Variants in SLC24A2 observed in about 807,000 individuals in gnomAD.
SLC24A2 encodes solute carrier family 24 member 2.
A neutral mutation model predicts 62.0 loss-of-function variants in SLC24A2; 36 were observed. That is an observed-to-expected ratio of 0.58 (90% CI 0.44 to 0.77). The LOEUF (loss-of-function observed/expected upper bound fraction) is 0.77. Ranked by LOEUF, SLC24A2 falls within the 30% of genes least tolerant of loss-of-function variation. The probability of loss-of-function intolerance (pLI) is 0.00; values close to 1 mark genes in which losing one functional copy is unlikely to be tolerated. For synonymous variants in SLC24A2, 358 were observed against 294.0 expected (o/e 1.22, Z -2.23); for missense variants, 846 against 817.9 (o/e 1.03, Z -0.42).
intron 2 of SLC24A2, among the ~76,000 whole-genome samples, chr9:19,689,260 C>T (rs1401093934): frequency 4.6e-5 from 7 of 152,084 alleles, no homozygotes; most frequent in African/African-American, 1.7e-4. Flanking sequence ...TACACCAGGA[C>T]TCCCGAAGAA....
the SLC24A2 span, among the ~76,000 whole-genome samples, chr9:20,052,434 C>G: frequency 6.6e-6 from 1 of 152,214 alleles, no homozygotes; most frequent in Admixed American, 6.5e-5. Context: ...AAATAAGGAA[C>G]AATTGCACCA....
chr9:19,531,169 G>A (rs1460793992), intron 8 of SLC24A2, among the ~76,000 whole-genome samples: 2 of 152,130 alleles, frequency 1.3e-5, no homozygotes, highest in Non-Finnish European at 2.9e-5. Flanking sequence ...TCAGCAGTTG[G>A]GCTAAGTGTT....
chr9:20,175,653 T>A, the SLC24A2 span, among the ~76,000 whole-genome samples: 3 of 152,094 alleles, frequency 2.0e-5, no homozygotes, highest in African/African-American at 7.2e-5. Flanking sequence ...TGTCACACAC[T>A]TTCTTTAAAG....
chr9:19,544,137 G>A (rs1834424696), intron 8 of SLC24A2, among the ~76,000 whole-genome samples: 1 of 152,058 alleles, frequency 6.6e-6, no homozygotes, highest in African/African-American at 2.4e-5. Flanking sequence ...TATATATTTA[G>A]GATAGTTGGC....
chr9:19,953,443 TC>T, the SLC24A2 span, among the ~76,000 whole-genome samples: 38 of 152,174 alleles, frequency 2.5e-4, 1 homozygote, highest in South Asian at 6.6e-3. Flanking sequence ...TATCTAGTAC[TC>T]TGCCTCTCAA....
chr9:20,199,094 C>T, the SLC24A2 span, among the ~76,000 whole-genome samples: 1 of 152,146 alleles, frequency 6.6e-6, no homozygotes, highest in Non-Finnish European at 1.5e-5. Context: ...TGTTTCTAAC[C>T]AGCCTATTGC....
intron 2 of SLC24A2, among the ~76,000 whole-genome samples, chr9:19,748,775 T>C (rs1306361230): frequency 6.6e-6 from 1 of 151,952 alleles, no homozygotes; most frequent in Admixed American, 6.6e-5. Flanking sequence ...CCAGAAGTGA[T>C]AAAGCATTCC....
the SLC24A2 span, among the ~76,000 whole-genome samples, chr9:19,880,742 G>C: frequency 1.3e-5 from 2 of 152,184 alleles, no homozygotes; most frequent in Admixed American, 6.5e-5. Flanking sequence ...TACTGAAGGA[G>C]GCTATAGGAG....
At chr9:20,282,155 A>G in the SLC24A2 span, among the ~76,000 whole-genome samples, 20 of 152,308 alleles carry the variant, frequency 1.3e-4, no homozygotes, top group African/African-American at 4.8e-4. Context: ...ACAAAAGGGA[A>G]AACAAATAAG....
the SLC24A2 span, among the ~76,000 whole-genome samples, chr9:19,835,261 A>G: frequency 9.2e-5 from 14 of 152,226 alleles, no homozygotes; most frequent in Non-Finnish European, 1.5e-4. Flanking sequence ...AAATGCTCCA[A>G]TTAAAAGGAA....
chr9:19,715,063 C>A (rs1260737050), intron 2 of SLC24A2, among the ~76,000 whole-genome samples: 4 of 151,998 alleles, frequency 2.6e-5, no homozygotes, highest in Non-Finnish European at 5.9e-5. Context: ...ACCACCACCA[C>A]CACCAAACAC....
At chr9:19,784,431 A>C (rs1745696008) in intron 2 of SLC24A2, among the ~76,000 whole-genome samples, 1 of 152,248 alleles carries the variant, frequency 6.6e-6, no homozygotes, top group Admixed American at 6.5e-5. Flanking sequence ...GAAAGTACTG[A>C]GTTCTCAAAG....
the SLC24A2 span, among the ~76,000 whole-genome samples, chr9:20,295,503 G>A: frequency 6.6e-6 from 1 of 152,206 alleles, no homozygotes; most frequent in African/African-American, 2.4e-5. Context: ...GTGTCTGTGA[G>A]GGTGTTTCCA....
At chr9:19,634,607 G>T (rs1252302642) in intron 2 of SLC24A2, among the ~76,000 whole-genome samples, 1 of 152,086 alleles carries the variant, frequency 6.6e-6, no homozygotes, top group African/African-American at 2.4e-5. Context: ...GCCTCTTAAT[G>T]ACTTTACTTG....
chr9:19,753,285 G>A (rs1409097185), intron 2 of SLC24A2, among the ~76,000 whole-genome samples: 1 of 152,210 alleles, frequency 6.6e-6, no homozygotes, highest in Non-Finnish European at 1.5e-5. Flanking sequence ...TGATTTCTCA[G>A]ATTCCTCAGT....
the SLC24A2 span, among the ~76,000 whole-genome samples, chr9:19,800,381 T>A: frequency 6.6e-6 from 1 of 152,326 alleles, no homozygotes; most frequent in East Asian, 1.9e-4. Context: ...AGCAAGAAAT[T>A]AGATTTCTCT....
At chr9:19,815,393 G>C in the SLC24A2 span, among the ~76,000 whole-genome samples, 6 of 152,096 alleles carry the variant, frequency 3.9e-5, no homozygotes, top group Non-Finnish European at 8.8e-5. Flanking sequence ...GAAAGATTTT[G>C]TGTTCATTGG....
At chr9:19,977,740 C>A in the SLC24A2 span, among the ~76,000 whole-genome samples, 1 of 152,130 alleles carries the variant, frequency 6.6e-6, no homozygotes, top group East Asian at 1.9e-4. Context: ...ACCAAATGAT[C>A]TTCAGCTGAG....
At chr9:20,248,265 C>A in the SLC24A2 span, among the ~76,000 whole-genome samples, 1 of 152,192 alleles carries the variant, frequency 6.6e-6, no homozygotes, top group Non-Finnish European at 1.5e-5. Flanking sequence ...TTTTATACAT[C>A]GAGGATCTTT....
Sources: allele counts gnomAD v4.1 joint callset (sites outside exome capture counted in the v4.1 genomes callset), GRCh38; gene constraint gnomAD v4.1.1; transcripts MANE v1.5; gene names NCBI Gene and HGNC (gene_info 2026-07-23, HGNC 2026-07-21).